FSTL5: variants seen among roughly 807,000 people sequenced by gnomAD.
FSTL5 encodes the protein follistatin like 5.
In FSTL5, 62 loss-of-function variants were observed where a neutral mutation model predicts 89.1. The ratio of observed to expected loss-of-function variants is 0.70; its 90% CI spans 0.57 to 0.86. FSTL5 has a LOEUF of 0.86. Among genes scored for constraint, FSTL5 ranks in the 40% least tolerant of loss-of-function variants. FSTL5 has a pLI of 0.00. For missense variants in FSTL5, 1,057 were observed against 1,001.6 expected, an observed-to-expected ratio of 1.06 and a Z score of -0.75; for synonymous variants, 383 against 346.2, an observed-to-expected ratio of 1.11 and a Z score of -1.18.
In FSTL5 at chr4:161,386,035, G is replaced by C. The variant is rs1356065065; in HGVS notation, c.2256C>G (p.His752Gln). ...LAFQPSFTEA[H>Q]QYNIYGSSST... ...TTGAACTACCGTAGATGTTATATTG[G>C]TGGGCTTCAGTAAAGGATGGTTGAA... The change falls in exon 16 of 16, where the codon CAC becomes CAG. Residue 752 changes from histidine to glutamine, a missense_variant. By Grantham distance (24) the His-to-Gln change is conservative. Coordinates refer to ENST00000306100, the MANE Select transcript of FSTL5 (RefSeq NM_020116.5). 2 of 1,614,014 alleles carry C rather than the reference G, an allele frequency of 1.2e-6. No individual in the cohort carries two copies. Among genetic ancestry groups the C allele is most frequent in the Middle Eastern group, 1.7e-4 (1 of 6,060 alleles).
intron 1 of FSTL5, among the ~76,000 whole-genome samples, chr4:162,117,581 G>C (rs1731690868): frequency 1.3e-5 from 2 of 152,148 alleles, no homozygotes; most frequent in Non-Finnish European, 2.9e-5. Flanking sequence ...GGCAGGTTTA[G>C]TCGAAACACA....
At chr4:161,472,387 T>C (rs1425151352) in intron 13 of FSTL5, among the ~76,000 whole-genome samples, 1 of 152,150 alleles carries the variant, frequency 6.6e-6, no homozygotes, top group East Asian at 1.9e-4. Context: ...TAGCTCTGAC[T>C]TTAGCTCTTT....
In FSTL5 at chr4:161,642,778, G is replaced by T. The variant is rs536468907; in HGVS notation, c.894+13550C>A. Among the ~76,000 whole-genome samples, 299 of 139,260 alleles carry T rather than the reference G, an allele frequency of 2.1e-3. 1 individual carries two copies. The highest frequency in any genetic ancestry group is 0.017 in the Middle Eastern group (5 of 286). The allele number at this position is 139,260 out of a possible 152,430, so 91.4% of individuals were successfully genotyped here. On this transcript the variant is annotated intron_variant, in intron 7 of 15. Transcript: ENST00000306100. The stretch of plus-strand genomic sequence containing the variant: ...AAATCAGACAGAAAGCAGCATGGTG[G>T]TTCCCAGGAGTGGAGAGGAAGATAG...
intron 4 of FSTL5, among the ~76,000 whole-genome samples, chr4:161,833,978 G>A (rs971597541): frequency 6.6e-5 from 10 of 151,952 alleles, no homozygotes; most frequent in South Asian, 2.1e-4. Flanking sequence ...TCCTAGCCTC[G>A]ATGGTCTTTA....
At chr4:161,438,474 G>A (rs943724372) in intron 15 of FSTL5, among the ~76,000 whole-genome samples, 3 of 151,820 alleles carry the variant, frequency 2.0e-5, no homozygotes, top group African/African-American at 7.3e-5. Flanking sequence ...AAAATCTATT[G>A]CCTTTTAATT....
At chr4:162,093,660 A>T (rs892445664) in intron 2 of FSTL5, among the ~76,000 whole-genome samples, 7 of 152,154 alleles carry the variant, frequency 4.6e-5, no homozygotes, top group African/African-American at 1.7e-4. Flanking sequence ...AAGCTATAAA[A>T]ACTTTAAACT....
At chr4:161,768,402 C>T (rs375616412) in intron 5 of FSTL5, among the ~76,000 whole-genome samples, 83 of 152,064 alleles carry the variant, frequency 5.5e-4, no homozygotes, top group Middle Eastern at 3.4e-3. Flanking sequence ...ATCTAAAATA[C>T]AATCACACTG....
chr4:161,620,909 C>T (rs1041453008), intron 7 of FSTL5, among the ~76,000 whole-genome samples: 4 of 151,910 alleles, frequency 2.6e-5, no homozygotes, highest in Non-Finnish European at 5.9e-5. Flanking sequence ...ACTGACAGAA[C>T]CTCAGGGAGA....
chr4:161,879,229 A>G (rs1732546397), intron 4 of FSTL5, among the ~76,000 whole-genome samples: 1 of 152,152 alleles, frequency 6.6e-6, no homozygotes, highest in African/African-American at 2.4e-5. Context: ...TATATCCATA[A>G]TCCAAGAATT....
chr4:161,887,257 T>A (rs1408632479), intron 4 of FSTL5, among the ~76,000 whole-genome samples: 1 of 152,090 alleles, frequency 6.6e-6, no homozygotes, highest in Admixed American at 6.5e-5. Context: ...GCAGACACAA[T>A]GACAAAAAAG....
intron 7 of FSTL5, among the ~76,000 whole-genome samples, chr4:161,653,816 T>C (rs1736418707): frequency 6.6e-6 from 1 of 152,248 alleles, no homozygotes; most frequent in African/African-American, 2.4e-5. Flanking sequence ...ACCAGGAATA[T>C]ATTGGAAATT....
chr4:161,459,117 G>C lies in FSTL5; in HGVS notation c.1716+95C>G, dbSNP rs145200616. On this transcript the variant is annotated intron_variant, in intron 14 of 15. Transcript: ENST00000306100. The stretch of plus-strand genomic sequence containing the variant: ...ATGATTAAAGCTGTAGTCCTCAGAT[G>C]GAAAAATATCATGGTTAAATGATCA... 2.1e-3 allele frequency: 1,831 copies of C among 864,646 alleles called. 23 individuals carry two copies. In the African/African-American group the frequency reaches 0.028, roughly 13 times the overall value. The allele number at this position is 864,646 out of a possible 1,614,324, so 53.6% of individuals were successfully genotyped here.
chr4:162,035,706 T>G (rs987636087), intron 2 of FSTL5, among the ~76,000 whole-genome samples: 3 of 152,024 alleles, frequency 2.0e-5, no homozygotes, highest in African/African-American at 7.2e-5. Flanking sequence ...AATAGAATCA[T>G]TTTGGCTGTC....
At chr4:161,849,763 T>C (rs1044453383) in intron 4 of FSTL5, among the ~76,000 whole-genome samples, 1 of 152,096 alleles carries the variant, frequency 6.6e-6, no homozygotes, top group African/African-American at 2.4e-5. Flanking sequence ...AAATATGAAG[T>C]CCTAATGTCT....
intron 15 of FSTL5, among the ~76,000 whole-genome samples, chr4:161,441,315 T>C (rs1158757705): frequency 6.6e-6 from 1 of 151,000 alleles, no homozygotes; most frequent in African/African-American, 2.5e-5. Flanking sequence ...ACAAGACTTC[T>C]TGAGCTTTAT....
At chr4:161,511,129 T>C (rs1730638439) in intron 10 of FSTL5, among the ~76,000 whole-genome samples, 1 of 152,164 alleles carries the variant, frequency 6.6e-6, no homozygotes, top group Non-Finnish European at 1.5e-5. Flanking sequence ...CCTGCTTCTT[T>C]AATAATTCAA....
At chr4:162,116,493 A>C (rs1009808907) in intron 1 of FSTL5, among the ~76,000 whole-genome samples, 1 of 152,182 alleles carries the variant, frequency 6.6e-6, no homozygotes, top group Non-Finnish European at 1.5e-5. Flanking sequence ...ACCCCAGAGA[A>C]GTCCCTGCCC....
intron 4 of FSTL5, among the ~76,000 whole-genome samples, chr4:161,844,881 T>C (rs1233290597): frequency 1.3e-5 from 2 of 151,968 alleles, no homozygotes; most frequent in African/African-American, 2.4e-5. Flanking sequence ...TGTACACCTA[T>C]GTAACAAACC....
chr4:161,999,012 T>C (rs1435635758), intron 3 of FSTL5, among the ~76,000 whole-genome samples: 1 of 152,160 alleles, frequency 6.6e-6, no homozygotes, highest in Non-Finnish European at 1.5e-5. Flanking sequence ...GAGGGTCTAA[T>C]AAGGCTTGTC....
Sources: allele counts gnomAD v4.1 joint callset (sites outside exome capture counted in the v4.1 genomes callset), GRCh38; gene constraint gnomAD v4.1.1; transcripts MANE v1.5; gene names NCBI Gene and HGNC (gene_info 2026-07-23, HGNC 2026-07-21).